RBM20: variants seen among roughly 807,000 people sequenced by gnomAD.
The protein encoded by RBM20 is RNA-binding protein 20.
RBM20 carries 51 observed loss-of-function variants against 110.1 expected under a neutral mutation model. That is an observed-to-expected ratio of 0.46 (90% CI 0.37 to 0.59). The LOEUF (loss-of-function observed/expected upper bound fraction) is 0.59. RBM20 is among the 20% of genes least tolerant of loss of function. RBM20 has a pLI of 0.00. For synonymous variants in RBM20, 589 were observed against 618.2 expected (o/e 0.95, Z 0.70); for missense variants, 1,512 against 1,574.9 (o/e 0.96, Z 0.68).
intron 1 of RBM20, among the ~76,000 whole-genome samples, chr10:110,645,175 G>A (rs1301964657): frequency 1.3e-5 from 2 of 152,186 alleles, no homozygotes; most frequent in African/African-American, 4.8e-5. Flanking sequence ...GAAGAGTTTA[G>A]CTACGCAACC....
chr10:110,745,142 T>A (rs1409445438), intron 1 of RBM20, among the ~76,000 whole-genome samples: 2 of 152,250 alleles, frequency 1.3e-5, no homozygotes, highest in African/African-American at 4.8e-5. Flanking sequence ...AACCCAAATG[T>A]GACTGCAAAA....
In RBM20 at chr10:110,781,702, G is replaced by A. The variant is rs201047984; in HGVS notation, c.1093G>A (p.Gly365Arg). 437 of 1,550,684 alleles carry A rather than the reference G, an allele frequency of 2.8e-4. 5 individuals carry two copies. In the South Asian group the frequency reaches 4.6e-3, roughly 16 times the overall value. ...PTSDRTPPSF[G>R]GRLNNSKQGF... The stretch of plus-strand genomic sequence containing the variant: ...CTCAGACAGGACACCTCCTTCCTTC[G>A]GGGGTCGGCTTAACAACAGCAAACA... Residue 365 changes from glycine (G) to arginine (R), a missense_variant, in exon 2 of 14, where the codon GGG (glycine) becomes AGG (arginine). Coordinates refer to ENST00000369519, the MANE Select transcript of RBM20 (RefSeq NM_001134363.3).
intron 1 of RBM20, among the ~76,000 whole-genome samples, chr10:110,680,102 G>A (rs1383148813): frequency 1.3e-5 from 2 of 152,094 alleles, no homozygotes; most frequent in African/African-American, 4.8e-5. Context: ...GTGAGTGGTG[G>A]CATTAGAGCC....
intron 4 of RBM20, 44 bp downstream of exon 4, chr10:110,784,476 C>A: frequency 1.4e-6 from 2 of 1,387,208 alleles, no homozygotes; most frequent in Non-Finnish European, 2.0e-6. Flanking sequence ...CAGAAGTGGG[C>A]TACCCACAGG....
At chr10:110,737,480 A>T (rs1411415311) in intron 1 of RBM20, among the ~76,000 whole-genome samples, 5 of 152,212 alleles carry the variant, frequency 3.3e-5, no homozygotes, top group Admixed American at 6.5e-5. Context: ...TACACAGTGA[A>T]CATATCCCTA....
At chr10:110,742,239 C>A (rs1370292695) in intron 1 of RBM20, among the ~76,000 whole-genome samples, 1 of 152,214 alleles carries the variant, frequency 6.6e-6, no homozygotes, top group East Asian at 1.9e-4. Context: ...ATCAGAGGAG[C>A]CTTCTGCACT....
rs1236064535 is a variant in RBM20, at chr10:110,820,132, AAAG to A, written c.2615_2617del (p.Glu872del). 6 of 1,551,526 alleles carry A rather than the reference AAAG, an allele frequency of 3.9e-6. No individual in the cohort carries two copies. The African/African-American group carries it at 8.2e-5, about 21-fold the overall frequency. ...CCCTCAATCAGTGGGCAGACAGGAG[AAAG>A]AAGCAGAGTTCTCTGATCCGGAAAA... On this transcript the variant is annotated inframe_deletion, in exon 10 of 14. Coordinates refer to ENST00000369519, the MANE Select transcript of RBM20 (RefSeq NM_001134363.3).
At chr10:110,748,638 TTGTTG>T (rs1843814546) in intron 1 of RBM20, among the ~76,000 whole-genome samples, 1 of 152,024 alleles carries the variant, frequency 6.6e-6, no homozygotes, top group African/African-American at 2.4e-5. Flanking sequence ...CACTTACGAG[TTGTTG>T]TGTCCCTGGA....
chr10:110,720,355 T>A (rs1241109010), intron 1 of RBM20, among the ~76,000 whole-genome samples: 2 of 152,096 alleles, frequency 1.3e-5, no homozygotes, highest in East Asian at 3.9e-4. Flanking sequence ...TTCCTGGGAG[T>A]GCTCAGGCCC....
At chr10:110,798,147 T>C (rs2135075121) in intron 6 of RBM20, among the ~76,000 whole-genome samples, 1 of 152,286 alleles carries the variant, frequency 6.6e-6, no homozygotes, top group East Asian at 1.9e-4. Context: ...GGATGGATGC[T>C]TACTAAGTCT....
intron 5 of RBM20, among the ~76,000 whole-genome samples, chr10:110,791,690 C>T (rs1272818748): frequency 6.6e-6 from 1 of 152,188 alleles, no homozygotes; most frequent in African/African-American, 2.4e-5. Flanking sequence ...TTTAAAGGTG[C>T]AGCCCCCGCA....
intron 1 of RBM20, among the ~76,000 whole-genome samples, chr10:110,698,565 GAGCTT>G (rs1334722016): frequency 6.6e-6 from 1 of 152,192 alleles, no homozygotes; most frequent in African/African-American, 2.4e-5. Flanking sequence ...GGTGGCATTG[GAGCTT>G]CTCCTCTTAC....
At chr10:110,835,306 C>CTTTCT (rs887548396) in intron 13 of RBM20, 4 of 149,788 alleles carry the variant, frequency 2.7e-5, no homozygotes, top group Admixed American at 6.7e-5. Context: ...ACTTTCTACT[C>CTTTCT]TTTCTTTTCT....
intron 7 of RBM20, among the ~76,000 whole-genome samples, chr10:110,804,261 G>A (rs1488781489): frequency 6.6e-6 from 1 of 152,210 alleles, no homozygotes; most frequent in Non-Finnish European, 1.5e-5. Flanking sequence ...TCAGAGCTGG[G>A]ACAGAGACCC....
chr10:110,692,400 C>T (rs1862598899), intron 1 of RBM20, among the ~76,000 whole-genome samples: 1 of 152,128 alleles, frequency 6.6e-6, no homozygotes, highest in Non-Finnish European at 1.5e-5. Context: ...TGTCTTTCCA[C>T]TTATTTTATC....
intron 1 of RBM20, among the ~76,000 whole-genome samples, chr10:110,691,010 C>A (rs1286389847): frequency 6.6e-6 from 1 of 152,150 alleles, no homozygotes; most frequent in African/African-American, 2.4e-5. Context: ...GAGATACTAA[C>A]CCCCCATGTG....
intron 1 of RBM20, among the ~76,000 whole-genome samples, chr10:110,751,447 C>T (rs991263311): frequency 6.6e-6 from 1 of 152,186 alleles, no homozygotes; most frequent in Non-Finnish European, 1.5e-5. Flanking sequence ...AAACATGCCC[C>T]CCATGTCTTT....
Position 110,781,874 on chromosome 10 carries a change from T to C in RBM20, c.1265T>C (p.Phe422Ser), listed in dbSNP as rs932538273. ...HICSICDKKVFDLKDWELHVK... is the reference protein window; with the variant it reads ...HICSICDKKVSDLKDWELHVK... Reference sequence around the variant, plus strand: ...TGTAGCATCTGTGACAAGAAGGTGTTTGATTTGAAGGTGAGTTGTCCAAGA... The same window carrying C: ...TGTAGCATCTGTGACAAGAAGGTGTCTGATTTGAAGGTGAGTTGTCCAAGA... The change falls in exon 2 of 14, where the codon TTT (phenylalanine) becomes TCT (serine). Residue 422 changes from phenylalanine (F) to serine (S), a missense_variant. This residue lies in a region of RBM20 where 1,149 missense variants were observed against 1,169.4 expected (regional missense o/e 0.98). Transcript: ENST00000369519. The C allele has an allele frequency of 1.4e-5, 22 of 1,551,588 alleles. No individual in the cohort carries two copies. Among genetic ancestry groups the C allele is most frequent in the Non-Finnish European group, 1.8e-5 (21 of 1,147,008 alleles).
intron 5 of RBM20, among the ~76,000 whole-genome samples, chr10:110,789,092 A>G (rs987261273): frequency 6.6e-6 from 1 of 152,210 alleles, no homozygotes; most frequent in Non-Finnish European, 1.5e-5. Context: ...ATCTTTTCAG[A>G]AACACTTTTT....
Sources: allele counts gnomAD v4.1 joint callset (sites outside exome capture counted in the v4.1 genomes callset), GRCh38; gene constraint gnomAD v4.1.1; regional missense constraint gnomAD v4.1.1; transcripts MANE v1.5; gene names NCBI Gene and HGNC (gene_info 2026-07-23, HGNC 2026-07-21).